Variants in NHS observed in about 807,000 individuals in gnomAD.
The protein encoded by NHS is NHS actin remodeling regulator.
Under a neutral mutation model 72.5 loss-of-function variants are expected in NHS, and 5 were observed. That is an observed-to-expected ratio of 0.07 (90% CI 0.04 to 0.14). The LOEUF (loss-of-function observed/expected upper bound fraction) is 0.14, where lower values mean the gene tolerates loss of function less well. Among genes scored for constraint, NHS ranks in the 10% least tolerant of loss-of-function variants. The pLI, the probability that NHS is intolerant of heterozygous loss-of-function variation, is 1.00. For missense variants in NHS, 1,072 were observed against 1,355.7 expected, an observed-to-expected ratio of 0.79 and a Z score of 3.29; for synonymous variants, 464 against 547.7, an observed-to-expected ratio of 0.85 and a Z score of 2.13.
chrX:17,385,847 G>C (rs2064404884), intron 1 of NHS, among the ~76,000 whole-genome samples: 1 of 112,343 alleles, frequency 8.9e-6, no homozygotes, highest in Non-Finnish European at 1.9e-5. Context: ...ATCCTTCAAA[G>C]TGAAATTAAC....
rs184799217 is a variant in NHS at position 17,404,922 on chromosome X, T to G, written c.565+28600T>G. Among the ~76,000 whole-genome samples, 106 of 111,066 alleles carry G rather than the reference T, an allele frequency of 9.5e-4. 2 individuals are homozygous for G. The East Asian group carries it at 0.019, about 20-fold the overall frequency. ...ACTTCATAGGATCAGGGACCATGACTTAGTCCACTTTGTACTCCCAATTCT... is the reference window on the plus strand; with the variant it reads ...ACTTCATAGGATCAGGGACCATGACGTAGTCCACTTTGTACTCCCAATTCT... On this transcript the variant is annotated intron_variant, in intron 1 of 8. Transcript: ENST00000676302.
chrX:17,646,682 C>A lies in NHS; in HGVS notation c.566-41060C>A, dbSNP rs762019001. Among the ~76,000 whole-genome samples the A allele has an allele frequency of 6.2e-5, 7 of 112,099 alleles. No individual in the cohort carries two copies. The East Asian group carries it at 2.0e-3, about 31-fold the overall frequency. On this transcript the variant is annotated intron_variant, in intron 1 of 8. Coordinates refer to ENST00000676302, the MANE Select transcript of NHS (RefSeq NM_001291867.2). ...AAACTGTTGGGAAACAAGTTCAGAA[C>A]CTGAACTAGGTGAGACTGCAAATAC...
chrX:17,643,020 G>A (rs962397940), intron 1 of NHS, among the ~76,000 whole-genome samples: 5 of 111,968 alleles, frequency 4.5e-5, no homozygotes, highest in African/African-American at 1.6e-4. Flanking sequence ...CAGTGGTTGG[G>A]GGAAACCAGG....
At chrX:17,488,087 C>T (rs1473191971) in intron 1 of NHS, among the ~76,000 whole-genome samples, 1 of 111,500 alleles carries the variant, frequency 9.0e-6, no homozygotes, top group Non-Finnish European at 1.9e-5. Flanking sequence ...CTCGCCGCCT[C>T]GCTTCTGGCA....
At chrX:17,609,913 AT>A (rs1294406629) in intron 1 of NHS, among the ~76,000 whole-genome samples, 2 of 111,490 alleles carry the variant, frequency 1.8e-5, no homozygotes, top group Non-Finnish European at 3.8e-5. Context: ...GGAGATGGAC[AT>A]TTTAAACTAA....
chrX:17,673,177 AACAC>A (rs56271300), intron 1 of NHS, among the ~76,000 whole-genome samples: 6,513 of 65,251 alleles, frequency 0.1, 278 homozygotes, highest in Non-Finnish European at 0.11. Context: ...TGGAAGATGA[AACAC>A]ACACACACAC....
At chrX:17,517,156 T>C (rs921308454) in intron 1 of NHS, among the ~76,000 whole-genome samples, 4 of 112,210 alleles carry the variant, frequency 3.6e-5, no homozygotes, top group Non-Finnish European at 7.5e-5. Context: ...AACACAATCA[T>C]TGAGAAGCAA....
chrX:17,640,252 T>G (rs969590358), intron 1 of NHS, among the ~76,000 whole-genome samples: 1 of 111,934 alleles, frequency 8.9e-6, no homozygotes, highest in East Asian at 2.8e-4. Flanking sequence ...CTGAATACTT[T>G]GGTGGGTAGC....
intron 2 of NHS, among the ~76,000 whole-genome samples, chrX:17,690,837 A>C (rs1459991549): frequency 8.9e-6 from 1 of 112,387 alleles, no homozygotes; most frequent in African/African-American, 3.2e-5. Flanking sequence ...TTTAATGCTC[A>C]GAGCCAGTAA....
chrX:17,542,210 G>A (rs998005558), intron 1 of NHS, among the ~76,000 whole-genome samples: 4 of 113,184 alleles, frequency 3.5e-5, no homozygotes, highest in African/African-American at 1.3e-4. Flanking sequence ...CCTGCAAGAC[G>A]GCCAGGGCCT....
chrX:17,724,533 T>G, intron 6 of NHS, 103 bp downstream of exon 6: 2 of 1,065,576 alleles, frequency 1.9e-6, no homozygotes, highest in African/African-American at 1.8e-5. Flanking sequence ...TGTAGAGGTT[T>G]TAAAATGGTG....
intron 1 of NHS, among the ~76,000 whole-genome samples, chrX:17,425,412 T>G (rs913560912): frequency 4.5e-4 from 49 of 108,226 alleles, no homozygotes; most frequent in African/African-American, 1.6e-3. Context: ...CACTTTTGTT[T>G]ATACACCAGT....
rs766914842 is a variant in NHS at position 17,401,575 on chromosome X, C to G, written c.565+25253C>G. Among the ~76,000 whole-genome samples, 32 of 111,918 alleles carry G rather than the reference C, an allele frequency of 2.9e-4. 1 individual carries two copies. Among genetic ancestry groups the G allele is most frequent in the African/African-American group, 1.0e-3 (32 of 30,746 alleles). On this transcript the variant is annotated intron_variant, in intron 1 of 8. Transcript: ENST00000676302. ...ACAACAGAAGTTAATTTTCTCATTT[C>G]AGGAGGCTGGAAGTCCAAAATCATG...
At chrX:17,570,909 C>A (rs2065474504) in intron 1 of NHS, among the ~76,000 whole-genome samples, 1 of 112,157 alleles carries the variant, frequency 8.9e-6, no homozygotes, top group Non-Finnish European at 1.9e-5. Context: ...AAGGCCTTTT[C>A]TGAATCTATT....
chrX:17,407,308 A>G (rs1048710801), intron 1 of NHS, among the ~76,000 whole-genome samples: 2 of 110,981 alleles, frequency 1.8e-5, no homozygotes, highest in African/African-American at 6.6e-5. Flanking sequence ...TCTCATCCCT[A>G]TAAACCATAT....
chrX:17,547,082 C>T (rs780385272), intron 1 of NHS, among the ~76,000 whole-genome samples: 7 of 112,240 alleles, frequency 6.2e-5, no homozygotes, highest in Non-Finnish European at 1.3e-4. Context: ...GCAGGGTGCC[C>T]AGAGCTAAAC....
At chrX:17,442,630 T>TA (rs1444856937) in intron 1 of NHS, among the ~76,000 whole-genome samples, 1 of 112,441 alleles carries the variant, frequency 8.9e-6, no homozygotes, top group Non-Finnish European at 1.9e-5. Flanking sequence ...TTCGGGTCAT[T>TA]ATTTAGCATA....
intron 1 of NHS, among the ~76,000 whole-genome samples, chrX:17,540,091 G>A (rs1049512780): frequency 8.9e-6 from 1 of 112,196 alleles, no homozygotes; most frequent in Non-Finnish European, 1.9e-5. Context: ...TTAAGTACTA[G>A]TGGTGTTGCT....
intron 1 of NHS, among the ~76,000 whole-genome samples, chrX:17,660,695 C>G (rs2065978230): frequency 8.9e-6 from 1 of 112,309 alleles, no homozygotes; most frequent in Admixed American, 9.4e-5. Flanking sequence ...TCTTACCTGG[C>G]AACTCAGAGT....
Sources: allele counts gnomAD v4.1 joint callset (sites outside exome capture counted in the v4.1 genomes callset), GRCh38; gene constraint gnomAD v4.1.1; transcripts MANE v1.5; gene names NCBI Gene and HGNC (gene_info 2026-07-23, HGNC 2026-07-21).